The following ZFPM2 variants were observed in gnomAD, a reference collection of about 807,000 sequenced individuals.
ZFPM2 encodes the protein zinc finger protein, FOG family member 2.
Under a neutral mutation model 98.6 loss-of-function variants are expected in ZFPM2, and 20 were observed. The ratio of observed to expected loss-of-function variants is 0.20; its 90% CI spans 0.14 to 0.29. The LOEUF (loss-of-function observed/expected upper bound fraction) is 0.29. Ranked by LOEUF, ZFPM2 falls within the 10% of genes least tolerant of loss-of-function variation. The probability of loss-of-function intolerance (pLI) is 1.00; values close to 1 mark genes in which losing one functional copy is unlikely to be tolerated. For missense variants in ZFPM2, 1,310 were observed against 1,388.6 expected (o/e 0.94, Z 0.90); for synonymous variants, 518 against 502.7 (o/e 1.03, Z -0.41).
At chr8:105,607,132 A>G (rs1816213042) in intron 4 of ZFPM2, among the ~76,000 whole-genome samples, 1 of 152,158 alleles carries the variant, frequency 6.6e-6, no homozygotes, top group African/African-American at 2.4e-5. Context: ...CTCTTCGGCC[A>G]TTCCTTAGAA....
chr8:105,530,852 T>A (rs1467469304), intron 3 of ZFPM2, among the ~76,000 whole-genome samples: 1 of 152,164 alleles, frequency 6.6e-6, no homozygotes, highest in East Asian at 1.9e-4. Flanking sequence ...TAGTGAGCTC[T>A]ACAATGTAAG....
At chr8:105,615,778 A>T (rs1368990807) in intron 4 of ZFPM2, among the ~76,000 whole-genome samples, 3 of 152,140 alleles carry the variant, frequency 2.0e-5, no homozygotes, top group Admixed American at 6.6e-5. Flanking sequence ...TGGCTCAGGG[A>T]ATTCATGCAT....
rs1563508807 is a variant in ZFPM2, at chr8:105,658,517, G to GA, written c.532+24160_532+24161insA. ...GCAGGAGAATGGCGTGAACCCCAGGGGGCGGAGCCTGCAGTGAGCCGAGAT... is the reference window on the plus strand; with the variant it reads ...GCAGGAGAATGGCGTGAACCCCAGGGAGGCGGAGCCTGCAGTGAGCCGAGAT... On this transcript the variant is annotated intron_variant, in intron 5 of 7. Coordinates refer to ENST00000407775, the MANE Select transcript of ZFPM2 (RefSeq NM_012082.4). Among the ~76,000 whole-genome samples, 4 of 49,070 alleles carry GA rather than the reference G, an allele frequency of 8.2e-5. 1 individual carries two copies. The highest frequency in any genetic ancestry group is 2.2e-4 in the African/African-American group (2 of 9,152). The allele number at this position is 49,070 out of a possible 152,430, so 32.2% of individuals were successfully genotyped here.
At chr8:105,684,336 T>A (rs1422521055) in intron 5 of ZFPM2, among the ~76,000 whole-genome samples, 2 of 152,150 alleles carry the variant, frequency 1.3e-5, no homozygotes, top group Admixed American at 6.6e-5. Context: ...CCATGTATAT[T>A]TTTTTAAGTA....
chr8:105,644,496 C>G (rs1466641809), intron 5 of ZFPM2, among the ~76,000 whole-genome samples: 2 of 150,770 alleles, frequency 1.3e-5, no homozygotes, highest in African/African-American at 2.5e-5. Flanking sequence ...AATGCTCTGT[C>G]TCTCTCTCTT....
intron 2 of ZFPM2, among the ~76,000 whole-genome samples, chr8:105,432,857 T>C (rs756734363): frequency 1.3e-5 from 2 of 152,170 alleles, no homozygotes; most frequent in Admixed American, 6.5e-5. Flanking sequence ...CCCAGCACTT[T>C]GGGAGGCTGC....
intron 1 of ZFPM2, among the ~76,000 whole-genome samples, chr8:105,392,679 G>A (rs963154680): frequency 1.3e-4 from 19 of 151,998 alleles, no homozygotes; most frequent in Admixed American, 7.2e-4. Context: ...AATTTTTGTC[G>A]AAACTACTTT....
chr8:105,781,586 T>C (rs1175736733), intron 5 of ZFPM2, among the ~76,000 whole-genome samples: 1 of 152,036 alleles, frequency 6.6e-6, no homozygotes, highest in African/African-American at 2.4e-5. Flanking sequence ...CTGGGAGTGG[T>C]AGCACATGCC....
intron 4 of ZFPM2, among the ~76,000 whole-genome samples, chr8:105,590,430 C>T (rs901915467): frequency 1.3e-5 from 2 of 152,112 alleles, no homozygotes; most frequent in Admixed American, 6.5e-5. Flanking sequence ...AACTTTATTA[C>T]CCATTTTTCA....
At chr8:105,549,714 C>T (rs1406748466) in intron 3 of ZFPM2, among the ~76,000 whole-genome samples, 2 of 151,498 alleles carry the variant, frequency 1.3e-5, no homozygotes, top group African/African-American at 2.4e-5. Flanking sequence ...TGGGCTTAAG[C>T]GATCCCCCAG....
chr8:105,587,258 CAG>C lies in ZFPM2; in HGVS notation c.420+25780_420+25781del, dbSNP rs1431036897. 3.4e-4 allele frequency among the ~76,000 whole-genome samples: 44 copies of C among 128,934 alleles called. 1 individual carries two copies. In the South Asian group the frequency reaches 7.3e-3, roughly 21 times the overall value. The allele number at this position is 128,934 out of a possible 152,430, so 84.6% of individuals were successfully genotyped here. A position where few individuals can be genotyped will look rare whatever the true frequency, so the allele number is the denominator to read the frequency against. On this transcript the variant is annotated intron_variant, in intron 4 of 7. Coordinates refer to ENST00000407775, the MANE Select transcript of ZFPM2 (RefSeq NM_012082.4). ...TGCCACTGCACTCCAGCCTGGGTGACAGAGCAAGACTCTGTCTCAGAAAAAAA... is the reference window on the plus strand; with the variant it reads ...TGCCACTGCACTCCAGCCTGGGTGACAGCAAGACTCTGTCTCAGAAAAAAA...
chr8:105,533,135 C>T (rs1814331263), intron 3 of ZFPM2, among the ~76,000 whole-genome samples: 1 of 152,136 alleles, frequency 6.6e-6, no homozygotes, highest in Non-Finnish European at 1.5e-5. Flanking sequence ...AAGATCCTTA[C>T]ATGAAAATAC....
intron 5 of ZFPM2, among the ~76,000 whole-genome samples, chr8:105,765,724 T>C (rs1234364034): frequency 6.6e-6 from 1 of 151,910 alleles, no homozygotes; most frequent in Non-Finnish European, 1.5e-5. Context: ...TTTGTAATAG[T>C]AACATATTTT....
At chr8:105,561,531 T>C in intron 4 of ZFPM2, 50 bp downstream of exon 4, 1 of 1,376,838 alleles carries the variant, frequency 7.3e-7, no homozygotes, top group Non-Finnish European at 1.0e-6. Flanking sequence ...ACTGTTAGTA[T>C]TTTGCCATAG....
intron 1 of ZFPM2, among the ~76,000 whole-genome samples, chr8:105,327,666 C>T (rs1314578003): frequency 6.6e-6 from 1 of 151,416 alleles, no homozygotes; most frequent in Non-Finnish European, 1.5e-5. Flanking sequence ...GTCCATTTTC[C>T]CTTTGCATGC....
At position 105,619,211 on chromosome 8, in the gene ZFPM2, C is replaced by A. The variant is rs189276843; in HGVS notation, c.421-15035C>A. ...ATCCTTTCTGTTAACCGCTTCTTAT[C>A]TATTACTATGTTGTTGTTTGGTCAT... On this transcript the variant is annotated intron_variant, in intron 4 of 7. Coordinates refer to ENST00000407775, the MANE Select transcript of ZFPM2 (RefSeq NM_012082.4). 2.0e-5 allele frequency among the ~76,000 whole-genome samples: 3 copies of A among 152,194 alleles called. No homozygotes were observed. In the East Asian group the frequency reaches 5.8e-4, roughly 29 times the overall value.
chr8:105,679,031 A>T (rs1375252365), intron 5 of ZFPM2: 4 of 152,060 alleles, frequency 2.6e-5, no homozygotes, highest in African/African-American at 7.3e-5. Context: ...CTCTTTCTTG[A>T]CCTTTAGTGT....
At chr8:105,553,560 C>A (rs1008187405) in intron 3 of ZFPM2, among the ~76,000 whole-genome samples, 1 of 152,120 alleles carries the variant, frequency 6.6e-6, no homozygotes, top group African/African-American at 2.4e-5. Flanking sequence ...ATTATGTTAT[C>A]TTTTCCAGTG....
At chr8:105,321,471 G>C (rs910179352) in intron 1 of ZFPM2, among the ~76,000 whole-genome samples, 4 of 152,136 alleles carry the variant, frequency 2.6e-5, no homozygotes, top group Non-Finnish European at 4.4e-5. Context: ...TCCAGGATTA[G>C]AAAATAAAGC....
Sources: allele counts gnomAD v4.1 joint callset (sites outside exome capture counted in the v4.1 genomes callset), GRCh38; gene constraint gnomAD v4.1.1; transcripts MANE v1.5; gene names NCBI Gene and HGNC (gene_info 2026-07-23, HGNC 2026-07-21).